Variants in HERC4 observed in about 807,000 individuals in gnomAD.
The protein encoded by HERC4 is probable E3 ubiquitin-protein ligase HERC4.
HERC4 carries 28 observed loss-of-function variants against 124.3 expected under a neutral mutation model. The observed-to-expected ratio is 0.23, with a 90% CI of 0.17 to 0.31. HERC4 has a LOEUF of 0.31. Among genes scored for constraint, HERC4 ranks in the 10% least tolerant of loss-of-function variants. The pLI is 1.00. For missense variants in HERC4, 713 were observed against 1,229.3 expected, an observed-to-expected ratio of 0.58 and a Z score of 6.28; for synonymous variants, 407 against 421.5, an observed-to-expected ratio of 0.97 and a Z score of 0.42.
intron 3 of HERC4, among the ~76,000 whole-genome samples, chr10:68,055,755 C>CTT (rs201966338): frequency 1.4e-4 from 20 of 143,054 alleles, no homozygotes; most frequent in South Asian, 4.4e-4. Flanking sequence ...TTACAATATC[C>CTT]TTTTTTTTTT....
chr10:68,028,772 TTTCTC>T (rs1373008749), intron 7 of HERC4, among the ~76,000 whole-genome samples: 1 of 152,240 alleles, frequency 6.6e-6, no homozygotes, highest in African/African-American at 2.4e-5. Flanking sequence ...ATCTATCTCT[TTTCTC>T]TTAAGCTGAA....
At chr10:68,058,509 C>T (rs1002752974) in intron 3 of HERC4, among the ~76,000 whole-genome samples, 1 of 152,184 alleles carries the variant, frequency 6.6e-6, no homozygotes, top group African/African-American at 2.4e-5. Context: ...TAAATTCCCA[C>T]TCTAATATTG....
intron 3 of HERC4, among the ~76,000 whole-genome samples, chr10:68,065,932 A>G (rs570222185): frequency 5.3e-5 from 8 of 152,342 alleles, no homozygotes; most frequent in African/African-American, 1.7e-4. Flanking sequence ...GGTAATTATC[A>G]TAACTCATTA....
rs191361735 is a variant in HERC4, at chr10:67,933,631, T to G, written c.2655-851A>C. 1.0e-3 allele frequency among the ~76,000 whole-genome samples: 159 copies of G among 152,296 alleles called. 1 individual carries two copies. The highest frequency in any genetic ancestry group is 2.1e-3 in the Non-Finnish European group (140 of 67,992). ...CAAGTTTTTTTTTAAAACAAGGATA[T>G]CTAGAAGGACCTAAAATTTTTTCAC... is the stretch of plus-strand genomic sequence containing the variant. On this transcript the variant is annotated intron_variant, in intron 22 of 24. Transcript: ENST00000373700.
At chr10:67,961,822 G>A (rs1164244289) in intron 16 of HERC4, among the ~76,000 whole-genome samples, 2 of 152,114 alleles carry the variant, frequency 1.3e-5, no homozygotes, top group Non-Finnish European at 2.9e-5. Context: ...ATCACTCTAT[G>A]CAAACCCTAT....
intron 3 of HERC4, among the ~76,000 whole-genome samples, chr10:68,056,034 C>T (rs766487876): frequency 3.3e-5 from 5 of 152,162 alleles, no homozygotes; most frequent in Non-Finnish European, 5.9e-5. Flanking sequence ...AAGCGTAAGC[C>T]ACCACGCCTG....
intron 23 of HERC4, among the ~76,000 whole-genome samples, chr10:67,928,182 G>C (rs2031362206): frequency 1.3e-5 from 2 of 152,160 alleles, no homozygotes; most frequent in South Asian, 4.2e-4. Flanking sequence ...GAGGCAGAGT[G>C]AGAGGAACAA....
At chr10:67,952,627 G>T (rs1008662108) in intron 19 of HERC4, among the ~76,000 whole-genome samples, 1 of 151,750 alleles carries the variant, frequency 6.6e-6, no homozygotes, top group South Asian at 2.1e-4. Context: ...GGCCGGGCGC[G>T]GTGGCTCACA....
At chr10:68,027,033 CTAAT>C (rs1426191549) in intron 7 of HERC4, among the ~76,000 whole-genome samples, 9 of 152,056 alleles carry the variant, frequency 5.9e-5, no homozygotes, top group African/African-American at 1.7e-4. Context: ...TAATATATAA[CTAAT>C]TAAATAACTA....
Position 67,941,082 on chromosome 10 carries a change from G to A in HERC4, c.2361C>T (p.Phe787=), listed in dbSNP as rs1160026864. ...AGCCACAGATAACACCAATCAAATGGAACAAATCACTGTCTTCAAATGTCT... is the reference window on the plus strand; with the variant it reads ...AGCCACAGATAACACCAATCAAATGAAACAAATCACTGTCTTCAAATGTCT... ...SDKTFEDSDL[F]HLIGVICGLA... is the part of the protein sequence containing the mutation. The change falls in exon 20 of 25, where the codon TTC becomes TTT. Residue 787 remains phenylalanine, a synonymous_variant. Transcript: ENST00000373700. 1 of 1,581,430 alleles carries A rather than the reference G, an allele frequency of 6.3e-7. No individual in the cohort carries two copies. The highest frequency in any genetic ancestry group is 8.6e-7 in the Non-Finnish European group (1 of 1,167,852).
intron 3 of HERC4, among the ~76,000 whole-genome samples, chr10:68,047,178 C>T (rs903766672): frequency 2.8e-5 from 4 of 144,524 alleles, no homozygotes; most frequent in African/African-American, 2.7e-5. Flanking sequence ...ATAACATCCC[C>T]AGTTTTTATT....
At chr10:67,946,396 C>CACAA (rs920956046) in intron 19 of HERC4, among the ~76,000 whole-genome samples, 98 of 142,164 alleles carry the variant, frequency 6.9e-4, no homozygotes, top group African/African-American at 1.6e-3. Flanking sequence ...CACACACACA[C>CACAA]AAGACCCAAT....
intron 9 of HERC4, chr10:68,010,145 G>C (rs2037853085): frequency 1.1e-6 from 1 of 892,150 alleles, no homozygotes; most frequent in South Asian, 1.4e-5. Context: ...CAAACTCCGG[G>C]TTCTCTTTCC....
chr10:68,062,035 T>G (rs1030899484), intron 3 of HERC4, among the ~76,000 whole-genome samples: 3 of 152,150 alleles, frequency 2.0e-5, no homozygotes, highest in African/African-American at 7.2e-5. Flanking sequence ...AAGTTAAGTA[T>G]TGTTAATGAA....
chr10:67,926,143 C>A (rs1254623728), intron 23 of HERC4, among the ~76,000 whole-genome samples: 3 of 152,092 alleles, frequency 2.0e-5, no homozygotes, highest in Non-Finnish European at 4.4e-5. Flanking sequence ...GCCTATAATC[C>A]CAGCACTTTG....
intron 7 of HERC4, among the ~76,000 whole-genome samples, chr10:68,029,962 A>T (rs2039114601): frequency 6.6e-6 from 1 of 150,606 alleles, no homozygotes; most frequent in Non-Finnish European, 1.5e-5. Flanking sequence ...ATGGTCTCGA[A>T]CTCCTGACCT....
At chr10:68,042,959 A>G (rs2039843464) in intron 4 of HERC4, among the ~76,000 whole-genome samples, 1 of 152,200 alleles carries the variant, frequency 6.6e-6, no homozygotes, top group South Asian at 2.1e-4. Flanking sequence ...GCTTAAAGTT[A>G]ATACAGATGT....
At chr10:68,006,479 C>T (rs1169737672) in intron 9 of HERC4, among the ~76,000 whole-genome samples, 1 of 151,098 alleles carries the variant, frequency 6.6e-6, no homozygotes, top group East Asian at 1.9e-4. Context: ...TCAAGCAATT[C>T]TCCTGTCTCA....
chr10:68,066,622 G>A (rs550081346), intron 3 of HERC4, among the ~76,000 whole-genome samples: 12 of 152,194 alleles, frequency 7.9e-5, no homozygotes, highest in South Asian at 6.2e-4. Context: ...TCTACATGGC[G>A]GACTTTATAC....
Sources: gnomAD v4.1 joint callset for allele counts (sites outside exome capture counted in the v4.1 genomes callset) on GRCh38, gnomAD v4.1.1 for gene constraint, MANE v1.5 for transcripts, NCBI Gene and HGNC (gene_info 2026-07-23, HGNC 2026-07-21) for gene names.